Variants in MYBL1 observed in about 807,000 individuals in gnomAD.
MYBL1 encodes MYB proto-oncogene like 1.
Under a neutral mutation model 96.3 loss-of-function variants are expected in MYBL1, and 17 were observed. The ratio of observed to expected loss-of-function variants is 0.18; its 90% confidence interval spans 0.12 to 0.26. The LOEUF is 0.26. Among genes scored for constraint, MYBL1 ranks in the 10% least tolerant of loss-of-function variants. The pLI is 1.00. For synonymous variants in MYBL1, 282 were observed against 292.7 expected (o/e 0.96, Z 0.37); for missense variants, 701 against 882.9 (o/e 0.79, Z 2.61).
intron 12 of MYBL1, among the ~76,000 whole-genome samples, chr8:66,568,046 CAAA>C (rs561036519): frequency 1.5e-5 from 1 of 67,138 alleles, no homozygotes. Flanking sequence ...GACTCCGTCT[CAAA>C]AAAAAAAAAA....
chr8:66,576,172 T>C lies in MYBL1; in HGVS notation c.1305A>G (p.Pro435=). ...GNSEAVPLTS[P]NIAKFSTPPA... is the part of the protein sequence containing the mutation. Reference sequence around the variant, plus strand: ...GTGGAGTGCTAAACTTGGCTATATTTGGGGATGTTAAAGGAACAGCTTCAC... The same window carrying C: ...GTGGAGTGCTAAACTTGGCTATATTCGGGGATGTTAAAGGAACAGCTTCAC... Residue 435 remains proline, a synonymous_variant, in exon 10 of 16, where the codon CCA becomes CCG. Coordinates refer to ENST00000522677, the MANE Select transcript of MYBL1 (RefSeq NM_001080416.4). 1.2e-6 allele frequency: 2 copies of C among 1,613,990 alleles called. No homozygotes were observed. Among genetic ancestry groups the C allele is most frequent in the Non-Finnish European group, 1.7e-6 (2 of 1,179,876 alleles).
chr8:66,579,986 T>C (rs1586566986), intron 9 of MYBL1, 147 bp downstream of exon 9: 2 of 562,092 alleles, frequency 3.6e-6, no homozygotes, highest in East Asian at 2.8e-5. Flanking sequence ...TAAACTTTTT[T>C]CCCCTAGAAG....
chr8:66,577,534 C>T (rs1393956955), intron 9 of MYBL1, among the ~76,000 whole-genome samples: 1 of 152,132 alleles, frequency 6.6e-6, no homozygotes, highest in Non-Finnish European at 1.5e-5. Context: ...ACGTGAAGGA[C>T]CTCTTCAAGG....
At chr8:66,572,102 C>T (rs1224489724) in intron 12 of MYBL1, among the ~76,000 whole-genome samples, 2 of 150,822 alleles carry the variant, frequency 1.3e-5, no homozygotes, top group Non-Finnish European at 3.0e-5. Context: ...GGTGGATCAC[C>T]TGAGGTCAGG....
In MYBL1 at chr8:66,581,301, A is replaced by G. The variant is rs138765762; in HGVS notation, c.868-935T>C. Among the ~76,000 whole-genome samples, 689 of 152,290 alleles carry G rather than the reference A, an allele frequency of 4.5e-3. 5 individuals are homozygous for G. The highest frequency in any genetic ancestry group is 7.0e-3 in the South Asian group (34 of 4,832). ...TAGGAACCCTTCCCTGATGACAACA[A>G]TCTAAATCAAGCACCTCTCCTGTAT... On this transcript the variant is annotated intron_variant, in intron 8 of 15. Transcript: ENST00000522677.
intron 8 of MYBL1, among the ~76,000 whole-genome samples, chr8:66,587,081 G>A (rs1456851344): frequency 2.0e-5 from 3 of 152,120 alleles, no homozygotes; most frequent in Non-Finnish European, 4.4e-5. Flanking sequence ...AGTAGCCAAA[G>A]GTTGGTTAAT....
intron 9 of MYBL1, among the ~76,000 whole-genome samples, chr8:66,579,262 TAAAA>T (rs923439917): frequency 9.0e-4 from 136 of 151,446 alleles, no homozygotes; most frequent in African/African-American, 3.2e-3. Flanking sequence ...AAATTTTTTT[TAAAA>T]AAATGAAAAA....
intron 12 of MYBL1, among the ~76,000 whole-genome samples, chr8:66,570,263 A>C (rs1296071180): frequency 6.6e-6 from 1 of 152,062 alleles, no homozygotes; most frequent in Non-Finnish European, 1.5e-5. Context: ...ACAAATGGAC[A>C]AGGACTTTAG....
intron 6 of MYBL1, among the ~76,000 whole-genome samples, chr8:66,593,989 A>G (rs1409927265): frequency 6.6e-6 from 1 of 152,058 alleles, no homozygotes; most frequent in East Asian, 1.9e-4. Flanking sequence ...TAAAAAAATT[A>G]GCCAGGTGTA....
chr8:66,575,742 T>C (rs1808912279), intron 10 of MYBL1, among the ~76,000 whole-genome samples: 1 of 152,106 alleles, frequency 6.6e-6, no homozygotes, highest in Non-Finnish European at 1.5e-5. Context: ...GTGAGCCGTG[T>C]TTGTGCCACT....
In MYBL1 at chr8:66,612,979, T is replaced by A; in HGVS notation, c.-141A>T. The stretch of plus-strand genomic sequence containing the variant: ...GCGGCCGAGTGCGGAACGCACGTCC[T>A]CGACAGGGCAGGACGGAGGGACAGC... On this transcript the variant is annotated 5_prime_UTR_variant, in exon 1 of 16. Coordinates refer to ENST00000522677, the MANE Select transcript of MYBL1 (RefSeq NM_001080416.4). The A allele has an allele frequency of 1.0e-6, 1 of 965,976 alleles. No homozygotes were observed. Among genetic ancestry groups the A allele is most frequent in the Non-Finnish European group, 1.4e-6 (1 of 719,562 alleles). 59.8% of individuals were successfully genotyped at this position (965,976 alleles called of 1,614,324 possible). A position where few individuals can be genotyped will look rare whatever the true frequency, so the allele number is the denominator to read the frequency against.
intron 9 of MYBL1, among the ~76,000 whole-genome samples, chr8:66,579,640 G>C (rs908116139): frequency 6.7e-6 from 1 of 149,820 alleles, no homozygotes; most frequent in Non-Finnish European, 1.5e-5. Flanking sequence ...CTGGGCGACA[G>C]AGTGAGATGC....
rs143975532 is a variant in MYBL1, at chr8:66,562,784, T to A, written c.*1913A>T. 1.3e-5 allele frequency: 2 copies of A among 152,528 alleles called. No homozygotes were observed. The highest frequency in any genetic ancestry group is 4.8e-5 in the African/African-American group (2 of 41,542). 9.4% of individuals were successfully genotyped at this position (152,528 alleles called of 1,614,324 possible). A position where few individuals can be genotyped will look rare whatever the true frequency, so the allele number is the denominator to read the frequency against. Reference sequence around the variant, plus strand: ...CATTGGTTTCACTAAGTGAAATTTCTGTGAGAAGTTCATTAATTAGAAAGC... The same window carrying A: ...CATTGGTTTCACTAAGTGAAATTTCAGTGAGAAGTTCATTAATTAGAAAGC... On this transcript the variant is annotated 3_prime_UTR_variant, in exon 16 of 16. Transcript: ENST00000522677.
At chr8:66,571,023 C>T (rs938098635) in intron 12 of MYBL1, among the ~76,000 whole-genome samples, 9 of 152,022 alleles carry the variant, frequency 5.9e-5, no homozygotes, top group African/African-American at 2.2e-4. Context: ...GTGTAACATG[C>T]TTTTGGGCAG....
At position 66,593,111 on chromosome 8, in the gene MYBL1, A is replaced by C; in HGVS notation, c.762+9T>G. ...ATTTCCTTTGGTTTTCGTTATAAAT[A>C]AAAGTTACCTGAATAAAGGCAGAAG... On this transcript the variant is annotated intron_variant, in intron 7 of 15. Coordinates refer to ENST00000522677, the MANE Select transcript of MYBL1 (RefSeq NM_001080416.4). 6.5e-7 allele frequency: 1 copy of C among 1,541,856 alleles called. No homozygotes were observed. The highest frequency in any genetic ancestry group is 2.3e-5 in the East Asian group (1 of 43,038).
chr8:66,585,641 G>A (rs1487312111), intron 8 of MYBL1, among the ~76,000 whole-genome samples: 1 of 152,134 alleles, frequency 6.6e-6, no homozygotes, highest in Non-Finnish European at 1.5e-5. Context: ...TACTCAGGAG[G>A]CTGAGGCAGG....
intron 8 of MYBL1, among the ~76,000 whole-genome samples, chr8:66,582,445 T>C (rs1475320876): frequency 7.0e-6 from 1 of 143,634 alleles, no homozygotes; most frequent in African/African-American, 2.6e-5. Flanking sequence ...AAGCTGGGCA[T>C]GGTAGCACAT....
At chr8:66,609,640 C>T (rs2130081311) in intron 1 of MYBL1, among the ~76,000 whole-genome samples, 1 of 152,112 alleles carries the variant, frequency 6.6e-6, no homozygotes, top group Non-Finnish European at 1.5e-5. Flanking sequence ...TCATTATTAA[C>T]AGCAATATTG....
At chr8:66,611,152 G>A (rs1317025567) in intron 1 of MYBL1, among the ~76,000 whole-genome samples, 1 of 152,066 alleles carries the variant, frequency 6.6e-6, no homozygotes, top group African/African-American at 2.4e-5. Flanking sequence ...AAACATTCGT[G>A]TCTAGCCATA....
Sources: allele counts gnomAD v4.1 joint callset (sites outside exome capture counted in the v4.1 genomes callset), GRCh38; gene constraint gnomAD v4.1.1; transcripts MANE v1.5; gene names NCBI Gene and HGNC (gene_info 2026-07-23, HGNC 2026-07-21).